The following GRID2 variants were observed in gnomAD, a reference collection of about 807,000 sequenced individuals.
The protein encoded by GRID2 is glutamate receptor ionotropic, delta-2.
In GRID2, 33 loss-of-function variants were observed where a neutral mutation model predicts 114.8. That is an observed-to-expected ratio of 0.29 (90% CI 0.22 to 0.38). GRID2 has a LOEUF of 0.38. Among genes scored for constraint, GRID2 ranks in the 10% least tolerant of loss-of-function variants. The probability of loss-of-function intolerance (pLI) is 1.00; values close to 1 mark genes in which losing one functional copy is unlikely to be tolerated. For missense variants in GRID2, 1,184 were observed against 1,257.7 expected (o/e 0.94, Z 0.89); for synonymous variants, 505 against 449.9 (o/e 1.12, Z -1.55).
intron 8 of GRID2, among the ~76,000 whole-genome samples, chr4:93,301,131 C>G (rs1240936730): frequency 6.6e-6 from 1 of 152,174 alleles, no homozygotes; most frequent in Admixed American, 6.5e-5. Flanking sequence ...GAGAAGGTCT[C>G]TCTCTTCCCT....
At chr4:93,240,456 G>A (rs1747364060) in intron 8 of GRID2, among the ~76,000 whole-genome samples, 1 of 150,838 alleles carries the variant, frequency 6.6e-6, no homozygotes, top group South Asian at 2.1e-4. Flanking sequence ...TTTTTTTGGA[G>A]AAGGGTGTCT....
chr4:93,027,569 A>G (rs747913180), intron 2 of GRID2, among the ~76,000 whole-genome samples: 17 of 152,288 alleles, frequency 1.1e-4, no homozygotes, highest in African/African-American at 2.9e-4. Flanking sequence ...AGAATATTCA[A>G]TAATTCAAAG....
At chr4:93,173,342 A>G (rs994071876) in intron 4 of GRID2, among the ~76,000 whole-genome samples, 3 of 152,168 alleles carry the variant, frequency 2.0e-5, no homozygotes, top group African/African-American at 7.2e-5. Flanking sequence ...GTGCTATAAT[A>G]GACTAACAGC....
rs183849983 is a variant in GRID2 at position 93,703,562 on chromosome 4, G to A, written c.2361-65648G>A. On this transcript the variant is annotated intron_variant, in intron 14 of 15. Transcript: ENST00000282020. ...CACAACGTGCAGGTTAGTTACATAC[G>A]TAAACATGTGCCATGTTGGTGTGCT... Among the ~76,000 whole-genome samples, 325 of 151,746 alleles carry A rather than the reference G, an allele frequency of 2.1e-3. 1 individual carries two copies. Among genetic ancestry groups the A allele is most frequent in the African/African-American group, 7.2e-3 (298 of 41,360 alleles).
At chr4:92,424,756 C>T (rs1732075019) in intron 1 of GRID2, among the ~76,000 whole-genome samples, 1 of 150,252 alleles carries the variant, frequency 6.7e-6, no homozygotes, top group African/African-American at 2.4e-5. Context: ...CAAGGACAAG[C>T]TTCTAGTTTC....
rs7661752 is a variant in GRID2 at position 93,167,007 on chromosome 4, G to C, written c.736-40397G>C. Among the ~76,000 whole-genome samples the C allele has an allele frequency of 1.5e-4, 23 of 152,022 alleles. No homozygotes were observed. The East Asian group carries it at 4.5e-3, about 30-fold the overall frequency. On this transcript the variant is annotated intron_variant, in intron 4 of 15. Coordinates refer to ENST00000282020, the MANE Select transcript of GRID2 (RefSeq NM_001510.4). ...TTTTACTAATCCACTTACCACTACA[G>C]TTAATGGGAGCAAGTTGTGTGCATG...
intron 13 of GRID2, among the ~76,000 whole-genome samples, chr4:93,553,733 T>A (rs1394906253): frequency 6.6e-6 from 1 of 152,194 alleles, no homozygotes; most frequent in Middle Eastern, 3.2e-3. Flanking sequence ...TAATTCACAT[T>A]AATTTCTAAC....
intron 1 of GRID2, among the ~76,000 whole-genome samples, chr4:92,532,619 T>C (rs1305551030): frequency 1.3e-5 from 2 of 152,110 alleles, no homozygotes; most frequent in African/African-American, 4.8e-5. Context: ...AATTTGACAA[T>C]AGATGGCCTC....
At chr4:93,169,178 ACACAC>A (rs1360984481) in intron 4 of GRID2, among the ~76,000 whole-genome samples, 1 of 150,570 alleles carries the variant, frequency 6.6e-6, no homozygotes, top group African/African-American at 2.4e-5. Context: ...ACACACACAC[ACACAC>A]AAACTTAAAA....
intron 10 of GRID2, among the ~76,000 whole-genome samples, chr4:93,430,212 A>T (rs1426364849): frequency 6.6e-6 from 1 of 151,994 alleles, no homozygotes; most frequent in African/African-American, 2.4e-5. Flanking sequence ...ATGGAGTCCC[A>T]CTCTGTTGCC....
intron 8 of GRID2, among the ~76,000 whole-genome samples, chr4:93,371,531 C>T (rs72884520): frequency 0.2 from 29,687 of 151,888 alleles, 4,363 homozygotes; most frequent in African/African-American, 0.41. Flanking sequence ...AACTGGCCTT[C>T]GTTGGACCAC....
intron 13 of GRID2, among the ~76,000 whole-genome samples, chr4:93,594,589 G>A (rs1271575384): frequency 1.3e-5 from 2 of 152,178 alleles, no homozygotes; most frequent in African/African-American, 4.8e-5. Flanking sequence ...CACCCAGTTC[G>A]AGCTTCCAGG....
At chr4:93,793,902 G>A (rs538967281) in intron 1 of GRID2, among the ~76,000 whole-genome samples, 1 of 152,168 alleles carries the variant, frequency 6.6e-6, no homozygotes, top group Admixed American at 6.6e-5. Context: ...GGAAAAATGA[G>A]ATTAAAAAGG....
intron 13 of GRID2, among the ~76,000 whole-genome samples, chr4:93,605,465 C>G (rs1057089576): frequency 2.6e-5 from 4 of 152,100 alleles, no homozygotes; most frequent in African/African-American, 9.7e-5. Flanking sequence ...TACCTTTATT[C>G]TGATGGAACA....
chr4:93,020,807 C>T (rs1349966697), intron 2 of GRID2, among the ~76,000 whole-genome samples: 1 of 152,002 alleles, frequency 6.6e-6, no homozygotes, highest in Non-Finnish European at 1.5e-5. Context: ...CCGAGGCGGG[C>T]AGATCACCTG....
At chr4:92,384,394 T>C (rs569669798) in intron 1 of GRID2, among the ~76,000 whole-genome samples, 1 of 115,518 alleles carries the variant, frequency 8.7e-6, no homozygotes, top group African/African-American at 3.5e-5. Flanking sequence ...ATGTCATATA[T>C]ACTAACAGAG....
intron 13 of GRID2, among the ~76,000 whole-genome samples, chr4:93,531,465 G>A (rs1335603136): frequency 6.6e-6 from 1 of 151,992 alleles, no homozygotes; most frequent in Non-Finnish European, 1.5e-5. Flanking sequence ...ATGCACACAG[G>A]ACAGGTGCTT....
At chr4:93,567,978 A>T (rs1735590790) in intron 13 of GRID2, among the ~76,000 whole-genome samples, 1 of 152,224 alleles carries the variant, frequency 6.6e-6, no homozygotes, top group East Asian at 1.9e-4. Flanking sequence ...GAAGTCATAC[A>T]CTTATGAAAT....
At chr4:93,133,973 G>C (rs1057495279) in intron 4 of GRID2, among the ~76,000 whole-genome samples, 16 of 152,154 alleles carry the variant, frequency 1.1e-4, no homozygotes, top group African/African-American at 3.9e-4. Context: ...AAAGAAGAAT[G>C]CATAGTCTCA....
Sources: allele counts gnomAD v4.1 joint callset (sites outside exome capture counted in the v4.1 genomes callset), GRCh38; gene constraint gnomAD v4.1.1; transcripts MANE v1.5; gene names NCBI Gene and HGNC (gene_info 2026-07-23, HGNC 2026-07-21).